The following AOPEP variants were observed in gnomAD, a reference collection of about 807,000 sequenced individuals.
AOPEP encodes aminopeptidase O.
Under a neutral mutation model 98.1 loss-of-function variants are expected in AOPEP, and 77 were observed. That is an observed-to-expected ratio of 0.78 (90% CI 0.65 to 0.95). The LOEUF is 0.95. Ranked by LOEUF, AOPEP falls within the 40% of genes least tolerant of loss-of-function variation. The probability of loss-of-function intolerance (pLI) is 0.00; values close to 1 mark genes in which losing one functional copy is unlikely to be tolerated. For missense variants in AOPEP, 1,024 were observed against 1,024.7 expected (o/e 1.00, Z 0.01); for synonymous variants, 346 against 365.3 (o/e 0.95, Z 0.60).
At chr9:95,091,025 A>G (rs939080197), downstream of AOPEP, among the ~76,000 whole-genome samples, 5 of 152,248 alleles carry the variant, frequency 3.3e-5, no homozygotes, top group South Asian at 2.1e-4. Context: ...TCAGCCTGCA[A>G]CAGCCGGTGG....
At chr9:95,085,686 GA>G (rs1247289341) in intron 16 of AOPEP, 2 of 355,942 alleles carry the variant, frequency 5.6e-6, no homozygotes, top group Admixed American at 7.9e-5. Flanking sequence ...CTCCTGCTGG[GA>G]ATGCTAGCCA....
chr9:94,748,745 G>A (rs1000251100), intron 1 of AOPEP, among the ~76,000 whole-genome samples: 1 of 152,106 alleles, frequency 6.6e-6, no homozygotes, highest in South Asian at 2.1e-4. Context: ...GAAGAGTACT[G>A]GTTAGGTATA....
At chr9:95,135,395 TCACTGGAGA>T in the AOPEP span, 1 of 1,614,110 alleles carries the variant, frequency 6.2e-7, no homozygotes, top group Middle Eastern at 1.6e-4. Context: ...ACAATTTCTC[TCACTGGAGA>T]TTAGCTTTTC....
intron 14 of AOPEP, among the ~76,000 whole-genome samples, chr9:95,076,460 T>A (rs182420868): frequency 3.9e-5 from 6 of 152,328 alleles, no homozygotes; most frequent in Admixed American, 3.9e-4. Context: ...AGGGTCTCGC[T>A]AATCTTAGCA....
chr9:95,148,581 T>C, the AOPEP span, among the ~76,000 whole-genome samples: 2 of 152,360 alleles, frequency 1.3e-5, no homozygotes, highest in African/African-American at 4.8e-5. Flanking sequence ...CTTAAAGTCA[T>C]TTCTGATGAG....
intron 11 of AOPEP, among the ~76,000 whole-genome samples, chr9:94,989,526 T>G (rs999692419): frequency 1.6e-4 from 23 of 146,420 alleles, no homozygotes; most frequent in Non-Finnish European, 3.0e-4. Flanking sequence ...TGAGCCACTG[T>G]GCCTGGCCAA....
chr9:95,034,979 CTTTTTT>C (rs34875677), intron 13 of AOPEP, among the ~76,000 whole-genome samples: 2 of 144,654 alleles, frequency 1.4e-5, no homozygotes, highest in East Asian at 2.0e-4. Flanking sequence ...TTTCTTTTTT[CTTTTTT>C]TTTTTTTTAT....
intron 5 of AOPEP, among the ~76,000 whole-genome samples, chr9:94,856,455 A>G (rs929827062): frequency 2.0e-5 from 3 of 152,070 alleles, no homozygotes; most frequent in Admixed American, 6.6e-5. Flanking sequence ...CAGCCTGACC[A>G]ACATAGAGAA....
intron 3 of AOPEP, among the ~76,000 whole-genome samples, chr9:94,775,554 A>G (rs1368503159): frequency 6.6e-6 from 1 of 152,044 alleles, no homozygotes; most frequent in African/African-American, 2.4e-5. Context: ...TTTAGTAGAG[A>G]CAGGGTTTCA....
intron 11 of AOPEP, among the ~76,000 whole-genome samples, chr9:94,979,801 C>T (rs1358700539): frequency 6.6e-6 from 1 of 152,182 alleles, no homozygotes; most frequent in Non-Finnish European, 1.5e-5. Context: ...AGCAGTCAGC[C>T]TCCAGCTCTG....
chr9:94,855,607 A>G (rs1193869627), intron 5 of AOPEP, among the ~76,000 whole-genome samples: 1 of 152,082 alleles, frequency 6.6e-6, no homozygotes, highest in Non-Finnish European at 1.5e-5. Context: ...GAATCGCTTG[A>G]ACCTGGGAGG....
At chr9:94,818,589 A>G (rs1422183951) in intron 5 of AOPEP, among the ~76,000 whole-genome samples, 1 of 152,138 alleles carries the variant, frequency 6.6e-6, no homozygotes, top group Non-Finnish European at 1.5e-5. Context: ...TAATATACAT[A>G]CTCACTTTTC....
At chr9:94,998,748 G>C (rs1441690394) in intron 11 of AOPEP, among the ~76,000 whole-genome samples, 1 of 152,198 alleles carries the variant, frequency 6.6e-6, no homozygotes, top group East Asian at 1.9e-4. Flanking sequence ...ACGAAATCTA[G>C]TGCTCTGTTT....
At chr9:94,795,777 A>T (rs540325604) in intron 4 of AOPEP, among the ~76,000 whole-genome samples, 1 of 152,336 alleles carries the variant, frequency 6.6e-6, no homozygotes, top group South Asian at 2.1e-4. Context: ...TCAAATGAAG[A>T]TTCTGGGAAG....
chr9:95,147,127 A>C, the AOPEP span, among the ~76,000 whole-genome samples: 1 of 152,044 alleles, frequency 6.6e-6, no homozygotes, highest in Admixed American at 6.6e-5. Flanking sequence ...AGTAACATTT[A>C]TTTATGATGT....
At chr9:95,148,367 T>C in the AOPEP span, among the ~76,000 whole-genome samples, 2 of 152,218 alleles carry the variant, frequency 1.3e-5, no homozygotes, top group African/African-American at 2.4e-5. Flanking sequence ...GAAATTGACC[T>C]GAAAGAATGA....
intron 5 of AOPEP, among the ~76,000 whole-genome samples, chr9:94,850,056 A>C (rs547495913): frequency 6.7e-6 from 1 of 148,700 alleles, no homozygotes. Flanking sequence ...AAAAAAGACT[A>C]TCTAATGCTG....
Position 94,733,390 on chromosome 9 carries a change from A to T in AOPEP, c.-136+6639A>T, listed in dbSNP as rs544078533. On this transcript the variant is annotated intron_variant, in intron 1 of 16. Coordinates refer to ENST00000375315, the MANE Select transcript of AOPEP (RefSeq NM_001193329.3). The stretch of plus-strand genomic sequence containing the variant: ...TCAAAGTGCGGGGATTACAAGTGTG[A>T]GCCACTGCATCTGGCCTAGTCATTT... Among the ~76,000 whole-genome samples, 35 of 152,156 alleles carry T rather than the reference A, an allele frequency of 2.3e-4. 1 individual carries two copies. The highest frequency in any genetic ancestry group is 4.4e-4 in the Non-Finnish European group (30 of 68,034).
At chr9:94,864,084 C>T (rs1208053434) in intron 5 of AOPEP, among the ~76,000 whole-genome samples, 2 of 152,164 alleles carry the variant, frequency 1.3e-5, no homozygotes, top group African/African-American at 4.8e-5. Flanking sequence ...GCTGAAATAA[C>T]TGTCTTTTTA....
Sources: allele counts gnomAD v4.1 joint callset (sites outside exome capture counted in the v4.1 genomes callset), GRCh38; gene constraint gnomAD v4.1.1; transcripts MANE v1.5; gene names NCBI Gene and HGNC (gene_info 2026-07-23, HGNC 2026-07-21).